Variants in DCC observed in about 807,000 individuals in gnomAD.
DCC encodes DCC netrin 1 receptor, also known as netrin receptor DCC.
In DCC, 58 loss-of-function variants were observed where a neutral mutation model predicts 172.5. That is an observed-to-expected ratio of 0.34 (90% CI 0.27 to 0.42). The LOEUF is 0.42. Among genes scored for constraint, DCC ranks in the 10% least tolerant of loss-of-function variants. The pLI is 1.00. For synonymous variants in DCC, 709 were observed against 644.5 expected, an observed-to-expected ratio of 1.10 and a Z score of -1.52; for missense variants, 1,740 against 1,791.0, an observed-to-expected ratio of 0.97 and a Z score of 0.51.
chr18:53,249,444 G>A (rs2056402768), intron 12 of DCC, among the ~76,000 whole-genome samples: 1 of 151,618 alleles, frequency 6.6e-6, no homozygotes, highest in East Asian at 1.9e-4. Context: ...ACAGATCAAG[G>A]GCTATGTCTA....
intron 7 of DCC, among the ~76,000 whole-genome samples, chr18:53,090,735 G>A (rs112629201): frequency 0.14 from 10,552 of 78,060 alleles, 1,096 homozygotes; most frequent in Non-Finnish European, 0.17. Flanking sequence ...AAAAAAAAAA[G>A]AATGTATCGT....
At chr18:52,892,237 C>T (rs912276580) in intron 2 of DCC, among the ~76,000 whole-genome samples, 1 of 152,060 alleles carries the variant, frequency 6.6e-6, no homozygotes, top group African/African-American at 2.4e-5. Flanking sequence ...AATGTTGTTG[C>T]TGATTCTATA....
intron 1 of DCC, among the ~76,000 whole-genome samples, chr18:52,490,943 A>G (rs2030469327): frequency 6.6e-6 from 1 of 152,104 alleles, no homozygotes; most frequent in African/African-American, 2.4e-5. Flanking sequence ...AACAAAAACA[A>G]TCAATTTCTT....
chr18:53,501,884 G>GTTAGTTAT (rs2046104805), intron 27 of DCC, among the ~76,000 whole-genome samples: 1 of 150,188 alleles, frequency 6.7e-6, no homozygotes, highest in Non-Finnish European at 1.5e-5. Flanking sequence ...TTTTTTACTA[G>GTTAGTTAT]TTATTTTCTT....
At chr18:52,611,808 T>G (rs1568255167) in intron 1 of DCC, among the ~76,000 whole-genome samples, 1 of 152,192 alleles carries the variant, frequency 6.6e-6, no homozygotes, top group Non-Finnish European at 1.5e-5. Flanking sequence ...ATATACTACA[T>G]GGTTTATAAT....
chr18:52,472,488 A>G (rs957746259), intron 1 of DCC, among the ~76,000 whole-genome samples: 1 of 151,642 alleles, frequency 6.6e-6, no homozygotes, highest in African/African-American at 2.4e-5. Flanking sequence ...CTTATTGCAG[A>G]CTTACTCTGT....
At chr18:52,375,726 A>G (rs1985318643) in intron 1 of DCC, among the ~76,000 whole-genome samples, 1 of 152,188 alleles carries the variant, frequency 6.6e-6, no homozygotes, top group Non-Finnish European at 1.5e-5. Flanking sequence ...TTCCAGGATA[A>G]TATTATACAA....
chr18:53,294,929 G>C (rs2057048610), intron 12 of DCC, among the ~76,000 whole-genome samples: 1 of 152,138 alleles, frequency 6.6e-6, no homozygotes, highest in African/African-American at 2.4e-5. Context: ...TAAATGTATT[G>C]ATGAAGAAAT....
intron 9 of DCC, among the ~76,000 whole-genome samples, chr18:53,181,020 T>G (rs187238687): frequency 6.6e-6 from 1 of 152,276 alleles, no homozygotes; most frequent in East Asian, 1.9e-4. Flanking sequence ...GCAAATTAGG[T>G]TTTACATATA....
intron 1 of DCC, among the ~76,000 whole-genome samples, chr18:52,392,015 C>T (rs1986048302): frequency 6.6e-6 from 1 of 152,180 alleles, no homozygotes; most frequent in South Asian, 2.1e-4. Flanking sequence ...AAATTCTTGG[C>T]ATAAATGCCA....
intron 2 of DCC, among the ~76,000 whole-genome samples, chr18:52,765,119 C>T (rs2037224236): frequency 6.6e-6 from 1 of 151,598 alleles, no homozygotes; most frequent in Admixed American, 6.6e-5. Flanking sequence ...ACCTCCGCCT[C>T]CCAGGTTCAA....
chr18:53,063,243 T>C, intron 5 of DCC, 62 bp from the exon 6 acceptor site: 1 of 1,500,332 alleles, frequency 6.7e-7, no homozygotes, highest in Non-Finnish European at 9.3e-7. Context: ...AGTGAAGACC[T>C]CAGCAGCATG....
intron 5 of DCC, among the ~76,000 whole-genome samples, chr18:52,948,524 C>T (rs1169271464): frequency 6.6e-6 from 1 of 152,184 alleles, no homozygotes; most frequent in Admixed American, 6.5e-5. Flanking sequence ...ACCCAGTATA[C>T]ATCTGTCTCC....
At chr18:52,808,822 A>G (rs528270361) in intron 2 of DCC, among the ~76,000 whole-genome samples, 9 of 152,260 alleles carry the variant, frequency 5.9e-5, no homozygotes, top group South Asian at 4.2e-4. Context: ...AGTTTTCTAT[A>G]TTCTTACTTT....
intron 1 of DCC, among the ~76,000 whole-genome samples, chr18:52,558,607 G>A (rs373906835): frequency 7.9e-5 from 12 of 152,234 alleles, no homozygotes; most frequent in African/African-American, 2.9e-4. Flanking sequence ...ACTTGGTGAG[G>A]TCAGTAGAAC....
intron 27 of DCC, among the ~76,000 whole-genome samples, chr18:53,520,103 T>C (rs1239111115): frequency 2.0e-5 from 3 of 152,030 alleles, no homozygotes; most frequent in Non-Finnish European, 2.9e-5. Context: ...GAAAGCAGTG[T>C]AGAAAAAAAC....
At chr18:52,398,193 A>G (rs1384884393) in intron 1 of DCC, among the ~76,000 whole-genome samples, 1 of 151,998 alleles carries the variant, frequency 6.6e-6, no homozygotes, top group African/African-American at 2.4e-5. Flanking sequence ...GGAGGATTTC[A>G]CAACTTTGGT....
At chr18:52,426,049 A>C (rs1987414313) in intron 1 of DCC, among the ~76,000 whole-genome samples, 1 of 152,094 alleles carries the variant, frequency 6.6e-6, no homozygotes, top group South Asian at 2.1e-4. Context: ...AGCACATAGC[A>C]ATTTCTATTT....
chr18:52,638,716 A>G (rs2034831412), intron 1 of DCC, among the ~76,000 whole-genome samples: 1 of 152,118 alleles, frequency 6.6e-6, no homozygotes, highest in Non-Finnish European at 1.5e-5. Flanking sequence ...AGATAGACAG[A>G]AATGAGATAG....
Sources: allele counts gnomAD v4.1 joint callset (sites outside exome capture counted in the v4.1 genomes callset), GRCh38; gene constraint gnomAD v4.1.1; transcripts MANE v1.5; gene names NCBI Gene and HGNC (gene_info 2026-07-23, HGNC 2026-07-21).